Variants in GARNL3 observed in about 807,000 individuals in gnomAD.
The protein encoded by GARNL3 is GTPase activating Rap/RanGAP domain like 3.
In GARNL3, 63 loss-of-function variants were observed where a neutral mutation model predicts 125.0. That is an observed-to-expected ratio of 0.50 (90% CI 0.41 to 0.62). The LOEUF (loss-of-function observed/expected upper bound fraction) is 0.62, where lower values mean the gene tolerates loss of function less well. Ranked by LOEUF, GARNL3 falls within the 20% of genes least tolerant of loss-of-function variation. GARNL3 has a pLI of 0.00. For missense variants in GARNL3, 994 were observed against 1,244.0 expected, an observed-to-expected ratio of 0.80 and a Z score of 3.02; for synonymous variants, 439 against 457.5, an observed-to-expected ratio of 0.96 and a Z score of 0.52.
In GARNL3 at chr9:127,384,321, G is replaced by A. The variant is rs762666677; in HGVS notation, c.2270-706G>A. Among the ~76,000 whole-genome samples, 1 of 152,136 alleles carries A rather than the reference G, an allele frequency of 6.6e-6. No homozygotes were observed. The highest frequency in any genetic ancestry group is 1.5e-5 in the Non-Finnish European group (1 of 68,028). On this transcript the variant is annotated intron_variant, in intron 23 of 27. Coordinates refer to ENST00000373387, the MANE Select transcript of GARNL3 (RefSeq NM_032293.5). The surrounding 1 kb of genome is among the most constrained non-coding windows in gnomAD (Gnocchi z 4.0). ...CCAGGAAAGCCAGGAGAGCAGATGC[G>A]CTCATCCATGGAAAGAGTGCAGAGA...
chr9:127,338,128 TAGTG>T lies in GARNL3; in HGVS notation c.998_1001del (p.Val333AspfsTer11). The T allele has an allele frequency of 6.2e-7, 1 of 1,611,700 alleles. No individual in the cohort carries two copies. The highest frequency in any genetic ancestry group is 8.5e-7 in the Non-Finnish European group (1 of 1,177,732). On this transcript the variant is annotated frameshift_variant, in exon 12 of 28. Transcript: ENST00000373387. LOFTEE classifies it high-confidence loss of function. ...ACCATCACCACAGATATTTTTGCCT[TAGTG>T]AGATACAATCAACAAAATGACAATT...
intron 22 of GARNL3, among the ~76,000 whole-genome samples, chr9:127,374,909 C>CAAAAAAAAA (rs772141471): frequency 1.6e-5 from 1 of 63,232 alleles, no homozygotes; most frequent in African/African-American, 5.1e-5. Context: ...TCCATCTCTA[C>CAAAAAAAAA]AAAAAAAAAA....
chr9:127,316,588 C>G (rs575658795), intron 4 of GARNL3, among the ~76,000 whole-genome samples: 1 of 151,916 alleles, frequency 6.6e-6, no homozygotes, highest in African/African-American at 2.4e-5. Flanking sequence ...GTATTTCTAT[C>G]GTAATATTCA....
At chr9:127,390,415 C>G (rs1469251783) in intron 26 of GARNL3, among the ~76,000 whole-genome samples, 2 of 152,154 alleles carry the variant, frequency 1.3e-5, no homozygotes, top group African/African-American at 4.8e-5. Flanking sequence ...CCTCATTAGG[C>G]TCTTTGAGTC....
chr9:127,225,355 A>T, intron 1 of GARNL3: 3 of 984,270 alleles, frequency 3.0e-6, no homozygotes, highest in Non-Finnish European at 3.6e-6. Flanking sequence ...CTCCTGCGGC[A>T]GAAGAGGGCG....
chr9:127,381,587 GCTTTTCTTTT>G lies in GARNL3; in HGVS notation c.2162-1835_2162-1826del, dbSNP rs376080056. Among the ~76,000 whole-genome samples the G allele has an allele frequency of 9.3e-4, 141 of 151,718 alleles. No individual in the cohort carries two copies. In the East Asian group the frequency reaches 0.02, roughly 22 times the overall value. ...TATGTACTCAGATATCTAGCTTCTAGCTTTTCTTTTCTTTTCTTTTCTTTTTTGAGATGGA... is the reference window on the plus strand; with the variant it reads ...TATGTACTCAGATATCTAGCTTCTAGCTTTTCTTTTCTTTTTTGAGATGGA... On this transcript the variant is annotated intron_variant, in intron 22 of 27. Coordinates refer to ENST00000373387, the MANE Select transcript of GARNL3 (RefSeq NM_032293.5).
At chr9:127,382,174 T>A (rs1832298934) in intron 22 of GARNL3, among the ~76,000 whole-genome samples, 1 of 151,710 alleles carries the variant, frequency 6.6e-6, no homozygotes, top group Non-Finnish European at 1.5e-5. Flanking sequence ...GTGGCGGGCG[T>A]CTGTAGTCCC....
chr9:127,235,412 T>C (rs2063092665), intron 1 of GARNL3, among the ~76,000 whole-genome samples: 1 of 151,946 alleles, frequency 6.6e-6, no homozygotes, highest in African/African-American at 2.4e-5. Context: ...TAGGGAAACA[T>C]AAAAATTTTG....
intron 1 of GARNL3, among the ~76,000 whole-genome samples, chr9:127,236,837 A>C (rs2063121942): frequency 6.6e-6 from 1 of 152,204 alleles, no homozygotes; most frequent in Non-Finnish European, 1.5e-5. Flanking sequence ...TATGTATTCC[A>C]GTAAAAATAT....
chr9:127,317,201 T>C (rs2065264409), intron 4 of GARNL3, among the ~76,000 whole-genome samples: 1 of 152,182 alleles, frequency 6.6e-6, no homozygotes, highest in Non-Finnish European at 1.5e-5. Context: ...ATATATTCAT[T>C]GAGTATTCCT....
At chr9:127,317,111 A>G (rs1360067427) in intron 4 of GARNL3, among the ~76,000 whole-genome samples, 1 of 152,214 alleles carries the variant, frequency 6.6e-6, no homozygotes, top group Non-Finnish European at 1.5e-5. Flanking sequence ...TTAGGAAGAG[A>G]ATAGCACTCA....
chr9:127,303,090 G>A (rs1156820701), intron 2 of GARNL3, among the ~76,000 whole-genome samples: 1 of 152,116 alleles, frequency 6.6e-6, no homozygotes, highest in African/African-American at 2.4e-5. Context: ...GGCAGAGCTT[G>A]CAGTGAGCCA....
intron 22 of GARNL3, among the ~76,000 whole-genome samples, chr9:127,377,203 C>T (rs1010135371): frequency 1.3e-5 from 2 of 151,976 alleles, no homozygotes; most frequent in Non-Finnish European, 2.9e-5. Flanking sequence ...CAAGAATAGA[C>T]AAGCCACTCA....
At chr9:127,257,796 G>A (rs544502046) in intron 2 of GARNL3, among the ~76,000 whole-genome samples, 1 of 152,310 alleles carries the variant, frequency 6.6e-6, no homozygotes, top group Non-Finnish European at 1.5e-5. Context: ...AGCAAATGTA[G>A]TAATTTATTC....
In GARNL3 at chr9:127,242,836, G is replaced by A. The variant is rs923018264; in HGVS notation, c.-28-243G>A. ...TGGGCCTCCTTTTACTTTATACTCC[G>A]CGGACTTAACTGATTGCTGAGGGAT... On this transcript the variant is annotated intron_variant, in intron 1 of 10. Transcript: ENST00000439286. The surrounding 1 kb of genome is among the most constrained non-coding windows in gnomAD (Gnocchi z 4.6). Among the ~76,000 whole-genome samples the A allele has an allele frequency of 7.2e-5, 11 of 151,944 alleles. 1 individual carries two copies. Among genetic ancestry groups the A allele is most frequent in the African/African-American group, 2.7e-4 (11 of 41,342 alleles).
chr9:127,264,694 T>C, upstream of GARNL3: 1 of 1,223,780 alleles, frequency 8.2e-7, no homozygotes, highest in Non-Finnish European at 1.0e-6. Context: ...TCCAAATGAC[T>C]AAATATTTAA....
chr9:127,350,902 T>C (rs1021318581), intron 17 of GARNL3, among the ~76,000 whole-genome samples: 4 of 152,216 alleles, frequency 2.6e-5, no homozygotes, highest in Non-Finnish European at 4.4e-5. Context: ...ATGAACAAGC[T>C]GAGGCCTAAA....
chr9:127,265,092 A>G (rs2063674390), intron 1 of GARNL3, 71 bp downstream of exon 1: 1 of 1,376,704 alleles, frequency 7.3e-7, no homozygotes, highest in Non-Finnish European at 1.0e-6. Flanking sequence ...AGCTCATCAG[A>G]TCTTTTGTTG....
chr9:127,386,320 G>A (rs1366526140), intron 24 of GARNL3, among the ~76,000 whole-genome samples: 1 of 152,106 alleles, frequency 6.6e-6, no homozygotes, highest in Non-Finnish European at 1.5e-5. Context: ...ACACTTCTAC[G>A]TTTCTTGTTC....
Sources: allele counts gnomAD v4.1 joint callset (sites outside exome capture counted in the v4.1 genomes callset), GRCh38; gene constraint gnomAD v4.1.1; non-coding constraint Gnocchi (gnomAD v3.1); transcripts MANE v1.5; gene names NCBI Gene and HGNC (gene_info 2026-07-23, HGNC 2026-07-21).